ILDR2: variants seen among roughly 807,000 people sequenced by gnomAD.
ILDR2 encodes immunoglobulin like domain containing receptor 2.
A neutral mutation model predicts 66.8 loss-of-function variants in ILDR2; 25 were observed. The ratio of observed to expected loss-of-function variants is 0.37; its 90% CI spans 0.27 to 0.52. The LOEUF (loss-of-function observed/expected upper bound fraction) is 0.52, where lower values mean the gene tolerates loss of function less well. Among genes scored for constraint, ILDR2 ranks in the 20% least tolerant of loss-of-function variants. ILDR2 has a pLI of 0.88. For missense variants in ILDR2, 827 were observed against 876.8 expected, an observed-to-expected ratio of 0.94 and a Z score of 0.72; for synonymous variants, 367 against 357.2, an observed-to-expected ratio of 1.03 and a Z score of -0.31.
chr1:166,923,108 G>A (rs1021773211), intron 7 of ILDR2, among the ~76,000 whole-genome samples: 8 of 152,192 alleles, frequency 5.3e-5, no homozygotes, highest in Non-Finnish European at 1.2e-4. Flanking sequence ...CAGGATCTCT[G>A]TTGCTGGCCT....
At chr1:166,965,676 G>A (rs1041863857) in intron 1 of ILDR2, among the ~76,000 whole-genome samples, 10 of 148,306 alleles carry the variant, frequency 6.7e-5, no homozygotes, top group Non-Finnish European at 1.5e-5. Flanking sequence ...GGGTTCAAGT[G>A]TTTCTCCTGC....
At chr1:166,922,399 A>G (rs888922274) in intron 8 of ILDR2, among the ~76,000 whole-genome samples, 194 bp downstream of exon 8, 4 of 152,200 alleles carry the variant, frequency 2.6e-5, no homozygotes, top group Non-Finnish European at 5.9e-5. Context: ...TTACTTCTAC[A>G]CATGTTGTCA....
At chr1:166,926,132 G>GGA (rs1660264660) in intron 7 of ILDR2, among the ~76,000 whole-genome samples, 2 of 152,144 alleles carry the variant, frequency 1.3e-5, no homozygotes, top group African/African-American at 4.8e-5. Context: ...TCTGAATAAA[G>GGA]CTCTTCTAGT....
chr1:166,902,977 A>T (rs1463805432), intron 2 of ILDR2, among the ~76,000 whole-genome samples: 1 of 152,178 alleles, frequency 6.6e-6, no homozygotes, highest in African/African-American at 2.4e-5. Flanking sequence ...AAATACATTC[A>T]TAATCTATCC....
At position 166,943,019 on chromosome 1, in the gene ILDR2, T is replaced by C. The variant is rs905188227; in HGVS notation, c.500-3449A>G. Among the ~76,000 whole-genome samples, 12 of 152,242 alleles carry C rather than the reference T, an allele frequency of 7.9e-5. 1 individual carries two copies. Among genetic ancestry groups the C allele is most frequent in the Admixed American group, 7.9e-4 (12 of 15,286 alleles). On this transcript the variant is annotated intron_variant, in intron 3 of 9. Coordinates refer to ENST00000271417, the MANE Select transcript of ILDR2 (RefSeq NM_199351.3). ...CCCTGAAGCAACAGTCAATATCTGA[T>C]GCTTCAGAAGGTGAAGCCTTCCCAT...
At chr1:166,935,053 G>A (rs988257173) in intron 6 of ILDR2, among the ~76,000 whole-genome samples, 3 of 150,560 alleles carry the variant, frequency 2.0e-5, no homozygotes, top group African/African-American at 7.5e-5. Flanking sequence ...GGGATATCTT[G>A]TCTCTTTTCT....
chr1:166,967,847 G>A (rs796689175), intron 1 of ILDR2, among the ~76,000 whole-genome samples: 5 of 152,256 alleles, frequency 3.3e-5, no homozygotes, highest in African/African-American at 1.2e-4. Context: ...AAACTTGGAG[G>A]CACTTTGACA....
chr1:166,903,354 C>G (rs1215169927), downstream of ILDR2, among the ~76,000 whole-genome samples: 5 of 152,244 alleles, frequency 3.3e-5, no homozygotes, highest in African/African-American at 9.6e-5. Context: ...TTCCTCCCAT[C>G]TTGTTGCTCC....
In ILDR2 at chr1:166,921,225, G is replaced by A. The variant is rs776736173; in HGVS notation, c.1366C>T (p.Arg456Cys). The A allele has an allele frequency of 6.3e-7, 1 of 1,593,030 alleles. No individual in the cohort carries two copies. Among genetic ancestry groups the A allele is most frequent in the East Asian group, 2.3e-5 (1 of 44,420 alleles). ...GCCCGCGACTCCGAGCGCTCGAAGC[G>A]GCTCCCGCCCCGCGCCTCGTGACTG... ...GNSHEARGGSRFERSESRAHS... is the reference protein window; with the variant it reads ...GNSHEARGGSCFERSESRAHS... Residue 456 changes from arginine to cysteine, a missense_variant, in exon 9 of 10, where the codon CGC (arginine) becomes TGC (cysteine). Arg to Cys is a radical substitution (Grantham distance 180). This residue lies in a region of ILDR2 where 390 missense variants were observed against 353.6 expected (regional missense o/e 1.10). Coordinates refer to ENST00000271417, the MANE Select transcript of ILDR2 (RefSeq NM_199351.3). This position sits in a 1 kb window ranked among gnomAD's most constrained non-coding sequence, Gnocchi z 5.3.
downstream of ILDR2, chr1:166,907,985 AG>A (rs758335555): frequency 4.6e-5 from 7 of 152,242 alleles, no homozygotes; most frequent in Non-Finnish European, 1.0e-4. Context: ...CCCTGAGAAC[AG>A]GAAGTGAAAG....
At chr1:166,906,866 A>G (rs1557920124), downstream of ILDR2, among the ~76,000 whole-genome samples, 1 of 152,204 alleles carries the variant, frequency 6.6e-6, no homozygotes, top group Non-Finnish European at 1.5e-5. Flanking sequence ...CACCCTCACG[A>G]ATAAACTGTG....
Position 166,921,400 on chromosome 1 carries a change from G to T in ILDR2, c.1212-21C>A. ...GCTGGCTGCGGGCAGAGAAGGAGGG[G>T]GTCAGACGGCCGGTCCCTCCCTGGA... On this transcript the variant is annotated intron_variant, in intron 8 of 9. Coordinates refer to ENST00000271417, the MANE Select transcript of ILDR2 (RefSeq NM_199351.3). This position sits in a 1 kb window ranked among gnomAD's most constrained non-coding sequence, Gnocchi z 5.3. 2.0e-6 allele frequency: 3 copies of T among 1,529,958 alleles called. No homozygotes were observed. Among genetic ancestry groups the T allele is most frequent in the South Asian group, 2.5e-5 (2 of 80,384 alleles). 94.8% of individuals were successfully genotyped at this position (1,529,958 alleles called of 1,614,324 possible).
intron 1 of ILDR2, among the ~76,000 whole-genome samples, chr1:166,970,258 C>T (rs932874117): frequency 3.9e-5 from 6 of 152,078 alleles, no homozygotes; most frequent in African/African-American, 1.2e-4. Context: ...ATTTGTTCTT[C>T]TGAAAATTTG....
chr1:166,930,926 C>T (rs1355942720), intron 6 of ILDR2, among the ~76,000 whole-genome samples: 2 of 152,152 alleles, frequency 1.3e-5, no homozygotes, highest in African/African-American at 4.8e-5. Flanking sequence ...AAGAAATGTC[C>T]TAGACTATTG....
At chr1:166,904,188 C>A (rs541368327), downstream of ILDR2, among the ~76,000 whole-genome samples, 1 of 152,224 alleles carries the variant, frequency 6.6e-6, no homozygotes, top group African/African-American at 2.4e-5. Flanking sequence ...CTCTCCTAAG[C>A]AATATCTCCC....
intron 1 of ILDR2, among the ~76,000 whole-genome samples, chr1:166,968,840 A>G (rs1663113760): frequency 6.6e-6 from 1 of 152,166 alleles, no homozygotes; most frequent in South Asian, 2.1e-4. Context: ...GAGAATTGGA[A>G]TTGAGCCAAC....
chr1:166,912,511 C>G lies in ILDR2; in HGVS notation c.*6844G>C, dbSNP rs991424036. The G allele has an allele frequency of 2.0e-5, 3 of 152,036 alleles. No individual in the cohort carries two copies. Among genetic ancestry groups the G allele is most frequent in the Non-Finnish European group, 4.4e-5 (3 of 67,982 alleles). 9.4% of individuals were successfully genotyped at this position (152,036 alleles called of 1,614,324 possible). A position where few individuals can be genotyped will look rare whatever the true frequency, so the allele number is the denominator to read the frequency against. ...GAAAAACCTAAATGGAATTAAAACA[C>G]AAAATAATACAAAATCCAGAGGTAA... On this transcript the variant is annotated 3_prime_UTR_variant, in exon 10 of 10. Coordinates refer to ENST00000271417, the MANE Select transcript of ILDR2 (RefSeq NM_199351.3).
rs770466581 is a variant in ILDR2 at position 166,927,057 on chromosome 1, A to C, written c.994+10T>G. ...AATGCACAGATCACAGAAAACTAACAGATGCTCACATCTGCCTCTCATCCT... is the reference window on the plus strand; with the variant it reads ...AATGCACAGATCACAGAAAACTAACCGATGCTCACATCTGCCTCTCATCCT... On this transcript the variant is annotated intron_variant, in intron 7 of 9. Transcript: ENST00000271417. 1 of 1,583,382 alleles carries C rather than the reference A, an allele frequency of 6.3e-7. No individual in the cohort carries two copies. The highest frequency in any genetic ancestry group is 8.7e-7 in the Non-Finnish European group (1 of 1,154,934).
At chr1:166,961,423 T>C (rs1232395915) in intron 1 of ILDR2, among the ~76,000 whole-genome samples, 3 of 152,140 alleles carry the variant, frequency 2.0e-5, no homozygotes, top group African/African-American at 4.8e-5. Flanking sequence ...AAACATAAAC[T>C]CATGCTCCAA....
Sources: allele counts gnomAD v4.1 joint callset (sites outside exome capture counted in the v4.1 genomes callset), GRCh38; gene constraint gnomAD v4.1.1; regional missense constraint gnomAD v4.1.1; non-coding constraint Gnocchi (gnomAD v3.1); transcripts MANE v1.5; gene names NCBI Gene and HGNC (gene_info 2026-07-23, HGNC 2026-07-21).